Variants in DSG4 observed in about 807,000 individuals in gnomAD.
The protein encoded by DSG4 is desmoglein-4.
A neutral mutation model predicts 93.1 loss-of-function variants in DSG4; 87 were observed. The ratio of observed to expected loss-of-function variants is 0.93; its 90% CI spans 0.79 to 1.12. The LOEUF (loss-of-function observed/expected upper bound fraction) is 1.12. Among genes scored for constraint, DSG4 ranks in the 50% most tolerant of loss-of-function variants. The pLI is 0.00. For missense variants in DSG4, 1,373 were observed against 1,285.7 expected (o/e 1.07, Z -1.04); for synonymous variants, 432 against 452.9 (o/e 0.95, Z 0.59).
In DSG4 at chr18:31,403,415, G is replaced by T. The variant is rs1237455067; in HGVS notation, c.1418-1G>T. On this transcript the variant is annotated splice_acceptor_variant, in intron 10 of 15. Coordinates refer to ENST00000308128, the MANE Select transcript of DSG4 (RefSeq NM_177986.5). LOFTEE classifies it high-confidence loss of function. ...AACACCAATGACCCTTACTCTTTCAGATGGCTCTGGAAAAACAGCTACAGG... is the reference window on the plus strand; with the variant it reads ...AACACCAATGACCCTTACTCTTTCATATGGCTCTGGAAAAACAGCTACAGG... The T allele has an allele frequency of 6.2e-7, 1 of 1,610,704 alleles. No individual in the cohort carries two copies. Among genetic ancestry groups the T allele is most frequent in the Non-Finnish European group, 8.5e-7 (1 of 1,178,144 alleles).
At chr18:31,389,092 C>T (rs546603536) in intron 5 of DSG4, 74 bp downstream of exon 5, 3 of 1,544,330 alleles carry the variant, frequency 1.9e-6, no homozygotes, top group East Asian at 4.5e-5. Flanking sequence ...AGAGGACTGA[C>T]ATACAGGAAA....
chr18:31,406,514 G>A, intron 12 of DSG4, 141 bp downstream of exon 12: 1 of 913,804 alleles, frequency 1.1e-6, no homozygotes, highest in Non-Finnish European at 1.7e-6. Context: ...ATAAACAATG[G>A]GACTGACAAA....
chr18:31,388,317 A>T, intron 3 of DSG4, 50 bp from the exon 4 acceptor site: 1 of 1,604,952 alleles, frequency 6.2e-7, no homozygotes, highest in Non-Finnish European at 8.5e-7. Flanking sequence ...TACACTCTTA[A>T]GCATTATCTG....
chr18:31,388,900 G>A lies in DSG4; in HGVS notation c.399G>A (p.Arg133=), dbSNP rs371642087. ...FLIYCRALNS[R]GEDLERPLEL... Reference sequence around the variant, plus strand: ...TCTATTGCCGGGCTCTGAATTCACGGGGTGAAGATTTAGAAAGGCCTCTTG... The same window carrying A: ...TCTATTGCCGGGCTCTGAATTCACGAGGTGAAGATTTAGAAAGGCCTCTTG... The change falls in exon 5 of 16, where the codon CGG becomes CGA. Residue 133 remains arginine, a synonymous_variant. Transcript: ENST00000308128. 6.2e-7 allele frequency: 1 copy of A among 1,613,598 alleles called. No homozygotes were observed. The highest frequency in any genetic ancestry group is 1.1e-5 in the South Asian group (1 of 91,052).
intron 7 of DSG4, among the ~76,000 whole-genome samples, chr18:31,391,696 G>C (rs539115116): frequency 6.6e-6 from 1 of 151,604 alleles, no homozygotes; most frequent in African/African-American, 2.4e-5. Flanking sequence ...AACAAAAAAC[G>C]TGTTATTGGA....
Position 31,413,409 on chromosome 18 carries a change from T to C in DSG4, c.2937T>C (p.Asn979=). The C allele has an allele frequency of 6.2e-7, 1 of 1,613,932 alleles. No homozygotes were observed. The highest frequency in any genetic ancestry group is 8.5e-7 in the Non-Finnish European group (1 of 1,179,970). ...LASPGVPDMS[N]SSTTEGCMGP... ...GTCCTGGTGTGCCTGACATGAGCAA[T>C]AGTAGCACGACTGAGGGTTGTATGG... Residue 979 remains asparagine, a synonymous_variant, in exon 16 of 16, where the codon AAT becomes AAC. Transcript: ENST00000308128.
chr18:31,385,667 A>C (rs1432520254), intron 2 of DSG4, among the ~76,000 whole-genome samples: 1 of 152,160 alleles, frequency 6.6e-6, no homozygotes, highest in Non-Finnish European at 1.5e-5. Context: ...ATAATAGTTA[A>C]ATTTTCCTTA....
rs929154066 is a variant in DSG4, at chr18:31,385,121, C to T, written c.49-15C>T. ...ATGCAAATTTATGCTAATGTGGTAT[C>T]TTCTATCAAAACAGGTGGTGATGGA... is the stretch of plus-strand genomic sequence containing the variant. On this transcript the variant is annotated splice_polypyrimidine_tract_variant and intron_variant, in intron 1 of 15. Coordinates refer to ENST00000308128, the MANE Select transcript of DSG4 (RefSeq NM_177986.5). 3 of 1,599,994 alleles carry T rather than the reference C, an allele frequency of 1.9e-6. No individual in the cohort carries two copies. Among genetic ancestry groups the T allele is most frequent in the East Asian group, 4.5e-5 (2 of 44,576 alleles).
chr18:31,403,398 T>C lies in DSG4; in HGVS notation c.1418-18T>C, dbSNP rs1250306042. 1.3e-6 allele frequency: 2 copies of C among 1,599,188 alleles called. No homozygotes were observed. Among genetic ancestry groups the C allele is most frequent in the East Asian group, 2.2e-5 (1 of 44,688 alleles). ...CTAACACCATTTACCTCAACACCAA[T>C]GACCCTTACTCTTTCAGATGGCTCT... On this transcript the variant is annotated intron_variant, in intron 10 of 15. Coordinates refer to ENST00000308128, the MANE Select transcript of DSG4 (RefSeq NM_177986.5).
Position 31,411,267 on chromosome 18 carries a change from T to A in DSG4, c.2174T>A (p.Val725Glu). Residue 725 changes from valine to glutamate, a missense_variant, in exon 15 of 16, where the codon GTG becomes GAG. Val to Glu is a moderately radical substitution (Grantham distance 121). Coordinates refer to ENST00000308128, the MANE Select transcript of DSG4 (RefSeq NM_177986.5). The stretch of plus-strand genomic sequence containing the variant: ...AACACCTATGCAGCCGGGGGCACGG[T>A]GGAAGGAGGTGTATCGGGAGTGGAG... ...YTNTYAAGGT[V>E]EGGVSGVELN... 6.2e-7 allele frequency: 1 copy of A among 1,613,916 alleles called. No individual in the cohort carries two copies. The highest frequency in any genetic ancestry group is 8.5e-7 in the Non-Finnish European group (1 of 1,179,958).
At chr18:31,378,565 T>TC (rs1233194974) in intron 1 of DSG4, among the ~76,000 whole-genome samples, 4 of 152,222 alleles carry the variant, frequency 2.6e-5, no homozygotes, top group Admixed American at 2.6e-4. Context: ...AGGATCTTTT[T>TC]TTGGTAGTAT....
At chr18:31,386,142 T>C (rs1034207725) in intron 2 of DSG4, among the ~76,000 whole-genome samples, 7 of 152,094 alleles carry the variant, frequency 4.6e-5, no homozygotes, top group African/African-American at 1.7e-4. Flanking sequence ...TCCTCCAATA[T>C]TAATAATATG....
chr18:31,413,768 T>C lies in DSG4; in HGVS notation c.*173T>C. The C allele has an allele frequency of 1.2e-6, 1 of 837,310 alleles. No homozygotes were observed. Among genetic ancestry groups the C allele is most frequent in the Non-Finnish European group, 1.8e-6 (1 of 552,052 alleles). 51.9% of individuals were successfully genotyped at this position (837,310 alleles called of 1,614,324 possible). ...TTGAGGGTGAATATGGCTAGGCACT[T>C]TAGATAAGCCTTTTTAAAATTCTTT... On this transcript the variant is annotated 3_prime_UTR_variant, in exon 16 of 16. Transcript: ENST00000308128.
intron 5 of DSG4, among the ~76,000 whole-genome samples, chr18:31,389,732 C>A (rs1289121517): frequency 1.3e-5 from 2 of 152,042 alleles, no homozygotes; most frequent in African/African-American, 4.8e-5. Context: ...AAATCTATGT[C>A]TGCCCATATA....
At chr18:31,390,359 TAAAG>T (rs1225588673) in intron 5 of DSG4, among the ~76,000 whole-genome samples, 1 of 152,212 alleles carries the variant, frequency 6.6e-6, no homozygotes, top group African/African-American at 2.4e-5. Context: ...AGCTATATGA[TAAAG>T]AATCTATTGA....
rs535386288 is a variant in DSG4, at chr18:31,411,303, G to A, written c.2210G>A (p.Gly737Asp). The A allele has an allele frequency of 1.2e-6, 2 of 1,612,586 alleles. No individual in the cohort carries two copies. Among genetic ancestry groups the A allele is most frequent in the East Asian group, 4.5e-5 (2 of 44,864 alleles). ...GGVSGVELNT[G>D]MGTAVGLMAA... ...GTATCGGGAGTGGAGCTCAACACAG[G>A]TATGGGGACAGCCGTTGGCCTCATG... The change falls in exon 15 of 16, where the codon GGT becomes GAT. Residue 737 changes from glycine to aspartate, a missense_variant. Gly to Asp is a moderately conservative substitution (Grantham distance 94). Transcript: ENST00000308128.
chr18:31,391,876 T>G (rs983355699), intron 7 of DSG4, among the ~76,000 whole-genome samples: 3 of 151,556 alleles, frequency 2.0e-5, no homozygotes, highest in South Asian at 2.1e-4. Context: ...AAAGAATAAA[T>G]AAAGAAAATT....
intron 8 of DSG4, among the ~76,000 whole-genome samples, chr18:31,392,686 G>A (rs984584305): frequency 2.0e-5 from 3 of 152,094 alleles, no homozygotes; most frequent in African/African-American, 7.2e-5. Context: ...CCAAGGGAGT[G>A]GAATATGAAA....
chr18:31,409,439 C>T lies in DSG4; in HGVS notation c.1934-13C>T, dbSNP rs1304376227. 17 of 1,614,012 alleles carry T rather than the reference C, an allele frequency of 1.1e-5. No homozygotes were observed. Among genetic ancestry groups the T allele is most frequent in the Admixed American group, 1.7e-5 (1 of 60,000 alleles). On this transcript the variant is annotated splice_polypyrimidine_tract_variant and intron_variant, in intron 12 of 15. Transcript: ENST00000308128. ...AATGTGTGTTAACTCGACATTGTCA[C>T]TTTCTTGGGCAGTGGCTCCACTCTT...
Sources: allele counts gnomAD v4.1 joint callset (sites outside exome capture counted in the v4.1 genomes callset), GRCh38; gene constraint gnomAD v4.1.1; transcripts MANE v1.5; gene names NCBI Gene and HGNC (gene_info 2026-07-23, HGNC 2026-07-21).